The following PDE4D variants were observed in gnomAD, a reference collection of about 807,000 sequenced individuals.
PDE4D encodes phosphodiesterase 4D.
PDE4D carries 24 observed loss-of-function variants against 87.4 expected under a neutral mutation model. The ratio of observed to expected loss-of-function variants is 0.27; its 90% confidence interval spans 0.20 to 0.39. PDE4D has a LOEUF of 0.39. Ranked by LOEUF, PDE4D falls within the 10% of genes least tolerant of loss-of-function variation. The probability of loss-of-function intolerance (pLI) is 1.00; values close to 1 mark genes in which losing one functional copy is unlikely to be tolerated. For missense variants in PDE4D, 714 were observed against 1,041.0 expected (o/e 0.69, Z 4.32); for synonymous variants, 384 against 383.2 (o/e 1.00, Z -0.02).
intron 1 of PDE4D, among the ~76,000 whole-genome samples, chr5:60,391,037 TTCC>T (rs1269501216): frequency 6.6e-6 from 1 of 152,148 alleles, no homozygotes; most frequent in Non-Finnish European, 1.5e-5. Context: ...TCCTCACAGT[TTCC>T]TCATCACTTA....
At chr5:60,442,490 C>T (rs887985609) in intron 1 of PDE4D, among the ~76,000 whole-genome samples, 1 of 151,930 alleles carries the variant, frequency 6.6e-6, no homozygotes, top group African/African-American at 2.4e-5. Context: ...ATGTAGATGA[C>T]GGTTGATAGG....
At chr5:59,057,147 G>GC (rs1762492893) in intron 5 of PDE4D, among the ~76,000 whole-genome samples, 1 of 152,116 alleles carries the variant, frequency 6.6e-6, no homozygotes. Flanking sequence ...ATCCAGCTCT[G>GC]CCTCCCCCAT....
At chr5:59,744,298 T>G (rs1759292026) in intron 1 of PDE4D, among the ~76,000 whole-genome samples, 1 of 152,148 alleles carries the variant, frequency 6.6e-6, no homozygotes, top group South Asian at 2.1e-4. Context: ...TAGAACACTT[T>G]GGAGTTAATT....
chr5:59,362,838 C>T (rs1174117287), intron 1 of PDE4D, among the ~76,000 whole-genome samples: 3 of 152,162 alleles, frequency 2.0e-5, no homozygotes, highest in Admixed American at 2.0e-4. Context: ...AAAAAGACCC[C>T]CAATACCAAG....
At chr5:59,666,529 T>C (rs996388155) in intron 1 of PDE4D, among the ~76,000 whole-genome samples, 7 of 152,276 alleles carry the variant, frequency 4.6e-5, no homozygotes, top group African/African-American at 1.7e-4. Flanking sequence ...CAGCAAGCAA[T>C]AAAGTGTCCC....
chr5:59,346,390 T>C (rs1182943579), intron 1 of PDE4D, among the ~76,000 whole-genome samples: 3 of 152,120 alleles, frequency 2.0e-5, no homozygotes, highest in Non-Finnish European at 4.4e-5. Flanking sequence ...AGAAAGAGAA[T>C]CCTTTCCATT....
chr5:60,257,270 GAA>G (rs1261843257), intron 1 of PDE4D, among the ~76,000 whole-genome samples: 6 of 150,978 alleles, frequency 4.0e-5, no homozygotes, highest in African/African-American at 9.8e-5. Context: ...AAGAAAGAGA[GAA>G]AGAGAAAAAA....
chr5:60,223,536 T>C (rs1744742634), intron 1 of PDE4D, among the ~76,000 whole-genome samples: 1 of 152,086 alleles, frequency 6.6e-6, no homozygotes, highest in Non-Finnish European at 1.5e-5. Context: ...CTATTACCTT[T>C]GTTCAGAACT....
At chr5:59,763,646 G>A (rs1762444725) in intron 1 of PDE4D, among the ~76,000 whole-genome samples, 1 of 152,114 alleles carries the variant, frequency 6.6e-6, no homozygotes, top group African/African-American at 2.4e-5. Flanking sequence ...AAATAAACTA[G>A]TACTGGAAGT....
intron 3 of PDE4D, among the ~76,000 whole-genome samples, chr5:59,958,304 T>G (rs1295190316): frequency 6.6e-6 from 1 of 152,150 alleles, no homozygotes; most frequent in Non-Finnish European, 1.5e-5. Context: ...CTTGGGCAAA[T>G]AATATTTCCC....
intron 1 of PDE4D, among the ~76,000 whole-genome samples, chr5:59,241,449 T>C (rs1314828814): frequency 1.3e-5 from 2 of 152,210 alleles, no homozygotes; most frequent in Non-Finnish European, 2.9e-5. Context: ...AAAAGGTGAT[T>C]GTCCTATTCC....
intron 2 of PDE4D, among the ~76,000 whole-genome samples, chr5:59,204,347 CTT>C (rs1748257133): frequency 6.6e-6 from 1 of 152,134 alleles, no homozygotes; most frequent in African/African-American, 2.4e-5. Context: ...AATGGAATCT[CTT>C]TATTTGTCAT....
At chr5:59,208,436 C>T (rs1269142623) in intron 2 of PDE4D, among the ~76,000 whole-genome samples, 1 of 152,146 alleles carries the variant, frequency 6.6e-6, no homozygotes, top group Non-Finnish European at 1.5e-5. Context: ...GCAGTAATAG[C>T]CAAGATATAT....
intron 1 of PDE4D, among the ~76,000 whole-genome samples, chr5:60,354,686 A>T (rs770722073): frequency 5.3e-5 from 8 of 152,180 alleles, no homozygotes; most frequent in Non-Finnish European, 8.8e-5. Context: ...AACCATTTTT[A>T]GTCTGGGATG....
intron 2 of PDE4D, among the ~76,000 whole-genome samples, chr5:60,060,261 A>G (rs1439948016): frequency 2.6e-5 from 4 of 152,078 alleles, no homozygotes; most frequent in Non-Finnish European, 5.9e-5. Context: ...GTTACTCTAA[A>G]AAGGGAATTT....
At chr5:59,383,977 T>C (rs1308802807) in intron 1 of PDE4D, among the ~76,000 whole-genome samples, 1 of 152,132 alleles carries the variant, frequency 6.6e-6, no homozygotes, top group African/African-American at 2.4e-5. Context: ...CAGTCTCAAC[T>C]TCCTGGACTC....
chr5:59,893,920 G>A (rs1751356162), upstream of PDE4D: 1 of 802,232 alleles, frequency 1.2e-6, no homozygotes, highest in Non-Finnish European at 1.6e-6. Flanking sequence ...TTCGCCAGAG[G>A]TTGGTCCTTC....
At chr5:59,755,380 A>G (rs1761072483) in intron 1 of PDE4D, among the ~76,000 whole-genome samples, 1 of 152,170 alleles carries the variant, frequency 6.6e-6, no homozygotes, top group South Asian at 2.1e-4. Flanking sequence ...ACAAAGCTTT[A>G]TTTTTAAACA....
At chr5:59,383,240 C>A (rs1434735952) in intron 1 of PDE4D, among the ~76,000 whole-genome samples, 2 of 152,034 alleles carry the variant, frequency 1.3e-5, no homozygotes, top group African/African-American at 4.8e-5. Flanking sequence ...TCACATGATG[C>A]CCCCTATTAT....
Sources: gnomAD v4.1 joint callset for allele counts (sites outside exome capture counted in the v4.1 genomes callset) on GRCh38, gnomAD v4.1.1 for gene constraint, MANE v1.5 for transcripts, NCBI Gene and HGNC (gene_info 2026-07-23, HGNC 2026-07-21) for gene names.